FGD3: variants seen among roughly 807,000 people sequenced by gnomAD.
The protein encoded by FGD3 is FYVE, RhoGEF and PH domain-containing protein 3.
In FGD3, 45 loss-of-function variants were observed where a neutral mutation model predicts 71.8. The observed-to-expected ratio is 0.63, with a 90% CI of 0.49 to 0.80. The LOEUF is 0.80. Ranked by LOEUF, FGD3 falls within the 30% of genes least tolerant of loss-of-function variation. The pLI, the probability that FGD3 is intolerant of heterozygous loss-of-function variation, is 0.00. For synonymous variants in FGD3, 378 were observed against 392.8 expected (o/e 0.96, Z 0.44); for missense variants, 844 against 951.5 (o/e 0.89, Z 1.49).
chr9:92,951,766 T>G (rs1858958633), intron 1 of FGD3, among the ~76,000 whole-genome samples: 1 of 152,202 alleles, frequency 6.6e-6, no homozygotes, highest in African/African-American at 2.4e-5. Flanking sequence ...CTTGAAACAC[T>G]GGTGCCTGAA....
intron 1 of FGD3, among the ~76,000 whole-genome samples, chr9:92,965,056 G>A (rs544446769): frequency 5.9e-5 from 9 of 152,336 alleles, no homozygotes; most frequent in Admixed American, 2.0e-4. Flanking sequence ...GGACAGTGGC[G>A]GGGCCACCTC....
At chr9:92,971,561 CTTTTCTTTTTTT>C (rs1474497708) in intron 1 of FGD3, among the ~76,000 whole-genome samples, 4 of 63,244 alleles carry the variant, frequency 6.3e-5, no homozygotes, top group African/African-American at 1.3e-4. Flanking sequence ...CTTTTCTTTT[CTTTTCTTTTTTT>C]TTTTTTTTTT....
At chr9:93,017,482 C>T (rs1347041985) in intron 10 of FGD3, among the ~76,000 whole-genome samples, 1 of 151,972 alleles carries the variant, frequency 6.6e-6, no homozygotes, top group Non-Finnish European at 1.5e-5. Flanking sequence ...GGGACCCATT[C>T]CAGTCCCCCA....
intron 17 of FGD3, among the ~76,000 whole-genome samples, chr9:93,035,061 A>G (rs1358418488): frequency 1.3e-5 from 2 of 152,184 alleles, no homozygotes; most frequent in Non-Finnish European, 2.9e-5. Context: ...CAGGGGCCAG[A>G]CAGCCCAAAG....
chr9:92,969,472 A>G lies in FGD3; in HGVS notation c.-217-5766A>G. ...GAGTCCGCTTTTAGATTGAAGTGGCATCAAAGAATATACGGGCAGTTTAAA... is the reference window on the plus strand; with the variant it reads ...GAGTCCGCTTTTAGATTGAAGTGGCGTCAAAGAATATACGGGCAGTTTAAA... On this transcript the variant is annotated intron_variant, in intron 1 of 17. Transcript: ENST00000375482. The surrounding 1 kb of genome is among the most constrained non-coding windows in gnomAD (Gnocchi z 4.5). Among the ~76,000 whole-genome samples the G allele has an allele frequency of 6.6e-6, 1 of 152,226 alleles. No homozygotes were observed. Among genetic ancestry groups the G allele is most frequent in the African/African-American group, 2.4e-5 (1 of 41,452 alleles).
Position 93,012,898 on chromosome 9 carries a change from AG to A in FGD3, c.1036-953del, listed in dbSNP as rs1861492512. Among the ~76,000 whole-genome samples the A allele has an allele frequency of 2.0e-5, 3 of 151,440 alleles. No homozygotes were observed. The South Asian group carries it at 6.2e-4, about 32-fold the overall frequency. On this transcript the variant is annotated intron_variant, in intron 8 of 17. Transcript: ENST00000375482. ...CTTAGTGCACACCAGGTGCTTGCCC[AG>A]CCCTCCCAGTACATTCCAGGTGCAT...
chr9:92,996,245 G>T (rs1860638466), intron 3 of FGD3, among the ~76,000 whole-genome samples: 1 of 152,138 alleles, frequency 6.6e-6, no homozygotes, highest in Non-Finnish European at 1.5e-5. Context: ...ATTTCTTCTA[G>T]ATTTTCTAGT....
At chr9:92,982,570 T>C (rs1860037268) in intron 3 of FGD3, among the ~76,000 whole-genome samples, 3 of 150,418 alleles carry the variant, frequency 2.0e-5, no homozygotes, top group African/African-American at 7.3e-5. Context: ...ATTCATTCAT[T>C]TTTTTTTTTT....
At chr9:93,029,387 G>A (rs1341243492) in intron 14 of FGD3, among the ~76,000 whole-genome samples, 2 of 152,148 alleles carry the variant, frequency 1.3e-5, no homozygotes, top group Admixed American at 1.3e-4. Context: ...AGGCATGTGG[G>A]TGCACACCTA....
At chr9:92,997,541 G>GT (rs1860694603) in intron 3 of FGD3, among the ~76,000 whole-genome samples, 1 of 152,120 alleles carries the variant, frequency 6.6e-6, no homozygotes, top group Non-Finnish European at 1.5e-5. Flanking sequence ...TATTTTGCTC[G>GT]TTAGTTGATG....
chr9:93,002,586 CTG>C (rs1860896569), intron 3 of FGD3, among the ~76,000 whole-genome samples: 1 of 152,090 alleles, frequency 6.6e-6, no homozygotes, highest in South Asian at 2.1e-4. Context: ...CGGCTGGTCT[CTG>C]GAATTCTCAC....
intron 3 of FGD3, among the ~76,000 whole-genome samples, chr9:92,990,914 A>G (rs1270600705): frequency 1.3e-5 from 2 of 152,140 alleles, no homozygotes; most frequent in Non-Finnish European, 2.9e-5. Flanking sequence ...TTTTGGTATC[A>G]AGGTTATGAT....
Position 93,003,879 on chromosome 9 carries a change from A to T in FGD3, c.544-122A>T. 1 of 1,184,312 alleles carries T rather than the reference A, an allele frequency of 8.4e-7. No individual in the cohort carries two copies. The highest frequency in any genetic ancestry group is 1.2e-6 in the Non-Finnish European group (1 of 832,340). 73.4% of individuals were successfully genotyped at this position (1,184,312 alleles called of 1,614,324 possible). ...GAGGACAATAATTCTGAAATTCATT[A>T]AGAAAACACAAGGTGGCAGCAGCGG... On this transcript the variant is annotated intron_variant, in intron 4 of 17. Coordinates refer to ENST00000375482, the MANE Select transcript of FGD3 (RefSeq NM_001083536.2). This position sits in a 1 kb window ranked among gnomAD's most constrained non-coding sequence, Gnocchi z 4.1.
intron 17 of FGD3, 56 bp from the exon 18 acceptor site, chr9:93,035,282 G>A: frequency 3.2e-6 from 5 of 1,568,792 alleles, no homozygotes; most frequent in African/African-American, 1.3e-5. Context: ...CATCACTGAG[G>A]TGAGCCCGAG....
At position 92,976,702 on chromosome 9, in the gene FGD3, T is replaced by A; in HGVS notation, c.446T>A (p.Leu149Gln). Residue 149 changes from leucine to glutamine, a missense_variant, in exon 3 of 18, where the codon CTG becomes CAG. By Grantham distance (113) the Leu-to-Gln change is moderately radical. Transcript: ENST00000375482. ...TPQKADKDAGLAQHSGPQKLL... is the reference protein window; with the variant it reads ...TPQKADKDAGQAQHSGPQKLL... ...CAGAAGGCTGACAAGGATGCCGGCC[T>A]GGCCCAGGTAGGCTTCCCCTTCTCT... The A allele has an allele frequency of 6.3e-7, 1 of 1,578,870 alleles. No individual in the cohort carries two copies. Among genetic ancestry groups the A allele is most frequent in the Non-Finnish European group, 8.6e-7 (1 of 1,161,140 alleles).
At chr9:92,984,152 C>T (rs1292288295) in intron 3 of FGD3, among the ~76,000 whole-genome samples, 1 of 152,204 alleles carries the variant, frequency 6.6e-6, no homozygotes, top group Non-Finnish European at 1.5e-5. Context: ...GTAAAGCAGG[C>T]AAATTGTACA....
Position 92,975,230 on chromosome 9 carries a change from C to A in FGD3, c.-217-8C>A, listed in dbSNP as rs79420352. The A allele has an allele frequency of 3.3e-5, 5 of 152,244 alleles. No individual in the cohort carries two copies. The highest frequency in any genetic ancestry group is 1.2e-4 in the African/African-American group (5 of 41,454). The allele number at this position is 152,244 out of a possible 1,614,324, so 9.4% of individuals were successfully genotyped here. On this transcript the variant is annotated splice_region_variant and splice_polypyrimidine_tract_variant and intron_variant, in intron 1 of 17. Transcript: ENST00000375482. Reference sequence around the variant, plus strand: ...GGTGGTTTTCTTTCTCTACTAATGTCTTTTCAGTACCTCCTAAATGGCTCT... The same window carrying A: ...GGTGGTTTTCTTTCTCTACTAATGTATTTTCAGTACCTCCTAAATGGCTCT...
At chr9:92,963,012 G>A (rs1300285179) in intron 1 of FGD3, among the ~76,000 whole-genome samples, 2 of 151,398 alleles carry the variant, frequency 1.3e-5, no homozygotes, top group African/African-American at 2.4e-5. Flanking sequence ...CCATGCGTCC[G>A]AGCTCAGGTG....
intron 3 of FGD3, among the ~76,000 whole-genome samples, chr9:93,000,769 C>G (rs767078957): frequency 2.0e-5 from 3 of 152,112 alleles, no homozygotes; most frequent in Non-Finnish European, 4.4e-5. Context: ...TGGTATGGTT[C>G]TCTGTTGATT....
Sources: allele counts gnomAD v4.1 joint callset (sites outside exome capture counted in the v4.1 genomes callset), GRCh38; gene constraint gnomAD v4.1.1; non-coding constraint Gnocchi (gnomAD v3.1); transcripts MANE v1.5; gene names NCBI Gene and HGNC (gene_info 2026-07-23, HGNC 2026-07-21).